CCDC171: variants seen among roughly 807,000 people sequenced by gnomAD.
The protein encoded by CCDC171 is coiled-coil domain containing 171.
A neutral mutation model predicts 168.2 loss-of-function variants in CCDC171; 177 were observed. That is an observed-to-expected ratio of 1.05 (90% CI 0.93 to 1.19). CCDC171 has a LOEUF of 1.19. CCDC171 is among the 50% of genes most tolerant of loss of function. The probability of loss-of-function intolerance (pLI) is 0.00; values close to 1 mark genes in which losing one functional copy is unlikely to be tolerated. For missense variants in CCDC171, 1,991 were observed against 1,539.0 expected, an observed-to-expected ratio of 1.29 and a Z score of -4.91; for synonymous variants, 687 against 540.8, an observed-to-expected ratio of 1.27 and a Z score of -3.75.
intron 25 of CCDC171, among the ~76,000 whole-genome samples, chr9:15,970,985 G>A (rs80194934): frequency 0.021 from 3,209 of 152,086 alleles, 120 homozygotes; most frequent in African/African-American, 0.074. Context: ...AAATCTGCAC[G>A]TGTACCCCTG....
At chr9:15,764,123 A>T (rs532016085) in intron 18 of CCDC171, among the ~76,000 whole-genome samples, 1 of 152,308 alleles carries the variant, frequency 6.6e-6, no homozygotes, top group Admixed American at 6.5e-5. Flanking sequence ...GCTGAACCAG[A>T]GTCAATAGTG....
intron 7 of CCDC171, among the ~76,000 whole-genome samples, chr9:15,645,404 T>G (rs1247926583): frequency 1.3e-5 from 2 of 152,158 alleles, no homozygotes; most frequent in South Asian, 2.1e-4. Flanking sequence ...CTTTGAGGAG[T>G]TGAGAGAAGA....
At position 15,586,091 on chromosome 9, in the gene CCDC171, C is replaced by G. The variant is rs551425852; in HGVS notation, c.353-5275C>G. 2.6e-5 allele frequency among the ~76,000 whole-genome samples: 4 copies of G among 152,134 alleles called. No homozygotes were observed. In the South Asian group the frequency reaches 8.3e-4, roughly 31 times the overall value. ...ATATTACATTCTAATTAATGATATA[C>G]ATGCTGAACTATTTAGGAGTGAAAT... On this transcript the variant is annotated intron_variant, in intron 4 of 25. Transcript: ENST00000380701.
chr9:16,103,781 C>T, the CCDC171 span, among the ~76,000 whole-genome samples: 4 of 152,152 alleles, frequency 2.6e-5, no homozygotes, highest in South Asian at 2.1e-4. Context: ...ACCTGACAAG[C>T]GGCGAGGGGG....
intron 7 of CCDC171, 121 bp from the exon 8 acceptor site, chr9:15,657,003 GAAA>G (rs539421773): frequency 2.5e-6 from 1 of 399,824 alleles, no homozygotes; most frequent in Non-Finnish European, 4.4e-6. Context: ...TTCTTGCAAA[GAAA>G]AAAAAAAATG....
intron 10 of CCDC171, among the ~76,000 whole-genome samples, chr9:15,679,820 A>T (rs1387970651): frequency 6.6e-6 from 1 of 152,210 alleles, no homozygotes; most frequent in Non-Finnish European, 1.5e-5. Context: ...AAGTGCTGGG[A>T]TTAAGGCATG....
chr9:15,586,079 A>G (rs771956870), intron 4 of CCDC171, among the ~76,000 whole-genome samples: 20 of 152,214 alleles, frequency 1.3e-4, no homozygotes, highest in Admixed American at 7.2e-4. Flanking sequence ...TTACATTCTA[A>G]TTAATGATAT....
chr9:15,874,014 T>C (rs1449465647), intron 23 of CCDC171, among the ~76,000 whole-genome samples: 1 of 152,116 alleles, frequency 6.6e-6, no homozygotes, highest in East Asian at 1.9e-4. Context: ...ACAAACCTCT[T>C]TCTTGTATAT....
intron 25 of CCDC171, among the ~76,000 whole-genome samples, chr9:15,931,160 A>G (rs913019957): frequency 1.3e-5 from 2 of 151,896 alleles, no homozygotes; most frequent in Middle Eastern, 3.4e-3. Context: ...AGGAAACTCC[A>G]TACCGTTTTC....
chr9:15,871,933 T>A (rs1429794623), intron 23 of CCDC171, among the ~76,000 whole-genome samples: 1 of 152,054 alleles, frequency 6.6e-6, no homozygotes, highest in Non-Finnish European at 1.5e-5. Flanking sequence ...AAATTATGGA[T>A]AATTCTTTTA....
At chr9:15,570,544 C>G (rs539946428) in intron 2 of CCDC171, among the ~76,000 whole-genome samples, 4 of 152,262 alleles carry the variant, frequency 2.6e-5, no homozygotes, top group Non-Finnish European at 5.9e-5. Context: ...AAAGTAGGGG[C>G]TTAACCTAAA....
chr9:15,944,892 T>A (rs1828160657), intron 25 of CCDC171, among the ~76,000 whole-genome samples: 1 of 112,146 alleles, frequency 8.9e-6, no homozygotes, highest in African/African-American at 3.3e-5. Context: ...TTCTTTTTTA[T>A]CATTATACTT....
intron 6 of CCDC171, among the ~76,000 whole-genome samples, chr9:15,608,080 C>G (rs2043352500): frequency 1.3e-5 from 2 of 152,122 alleles, no homozygotes; most frequent in South Asian, 4.1e-4. Context: ...AGTGTGCCAG[C>G]TCAGGTCTCT....
At chr9:15,627,997 G>A (rs1409800022) in intron 7 of CCDC171, among the ~76,000 whole-genome samples, 4 of 152,144 alleles carry the variant, frequency 2.6e-5, no homozygotes, top group South Asian at 4.1e-4. Context: ...TAGGGAAGCC[G>A]TATTGTGTAG....
rs546489979 is a variant in CCDC171, at chr9:15,992,648, C to T, written n.369-27941C>T. Among the ~76,000 whole-genome samples, 6 of 152,304 alleles carry T rather than the reference C, an allele frequency of 3.9e-5. No individual in the cohort carries two copies. In the East Asian group the frequency reaches 1.2e-3, roughly 29 times the overall value. On this transcript the variant is annotated intron_variant and non_coding_transcript_variant, in intron 3 of 9. Transcript: ENST00000486641. ...GTATTCAACTACGAAAAGAGGAAGT[C>T]AAATTGTCCTTGTTTGCAGATGACA...
At position 15,723,709 on chromosome 9, in the gene CCDC171, C is replaced by T. The variant is rs542083759; in HGVS notation, c.1454C>T (p.Thr485Met). The T allele has an allele frequency of 9.5e-6, 15 of 1,584,600 alleles. No individual in the cohort carries two copies. The highest frequency in any genetic ancestry group is 3.4e-5 in the South Asian group (3 of 87,824). ...EEKACNELDS[T>M]KQKIDSHTKN... ...AAGGCATGTAATGAACTTGATTCTACGAAACAGAAGATAGACTCTCACACT... is the reference window on the plus strand; with the variant it reads ...AAGGCATGTAATGAACTTGATTCTATGAAACAGAAGATAGACTCTCACACT... Residue 485 changes from threonine to methionine, a missense_variant, in exon 13 of 26, where the codon ACG becomes ATG. Transcript: ENST00000380701.
chr9:15,845,008 T>G (rs2060835623), intron 21 of CCDC171, among the ~76,000 whole-genome samples: 2 of 152,088 alleles, frequency 1.3e-5, no homozygotes, highest in Non-Finnish European at 2.9e-5. Context: ...TGTATTGTTT[T>G]TGTTGGAAGA....
At chr9:15,637,229 C>T (rs755491651) in intron 7 of CCDC171, among the ~76,000 whole-genome samples, 2 of 152,068 alleles carry the variant, frequency 1.3e-5, no homozygotes, top group Non-Finnish European at 2.9e-5. Flanking sequence ...GCACTCCAGC[C>T]TGGGCAACAG....
At chr9:15,908,390 C>T (rs1253038049) in intron 24 of CCDC171, among the ~76,000 whole-genome samples, 6 of 152,060 alleles carry the variant, frequency 3.9e-5, no homozygotes, top group Non-Finnish European at 8.8e-5. Flanking sequence ...TCATTCTCAG[C>T]CAACTATCAC....
Sources: allele counts gnomAD v4.1 joint callset (sites outside exome capture counted in the v4.1 genomes callset), GRCh38; gene constraint gnomAD v4.1.1; transcripts MANE v1.5; gene names NCBI Gene and HGNC (gene_info 2026-07-23, HGNC 2026-07-21).